The following FYN variants were observed in gnomAD, a reference collection of about 807,000 sequenced individuals.
The protein encoded by FYN is FYN proto-oncogene, Src family tyrosine kinase.
In FYN, 10 loss-of-function variants were observed where a neutral mutation model predicts 70.2. The observed-to-expected ratio is 0.14, with a 90% CI of 0.09 to 0.24. The LOEUF is 0.24. Ranked by LOEUF, FYN falls within the 10% of genes least tolerant of loss-of-function variation. The probability of loss-of-function intolerance (pLI) is 1.00; values close to 1 mark genes in which losing one functional copy is unlikely to be tolerated. For synonymous variants in FYN, 236 were observed against 248.6 expected (o/e 0.95, Z 0.48); for missense variants, 319 against 673.1 (o/e 0.47, Z 5.82).
At chr6:111,664,193 A>G (rs997971821) in intron 13 of FYN, among the ~76,000 whole-genome samples, 1 of 152,186 alleles carries the variant, frequency 6.6e-6, no homozygotes, top group African/African-American at 2.4e-5. Flanking sequence ...TTCATATTTC[A>G]GCAATGACAG....
intron 1 of FYN, among the ~76,000 whole-genome samples, chr6:111,855,117 A>C (rs1773791352): frequency 6.6e-6 from 1 of 152,224 alleles, no homozygotes; most frequent in African/African-American, 2.4e-5. Flanking sequence ...AAAAAACTTC[A>C]CCAAGAGTTA....
At position 111,774,064 on chromosome 6, in the gene FYN, A is replaced by C. The variant is rs561221617; in HGVS notation, c.-12+6502T>G. 3.4e-4 allele frequency among the ~76,000 whole-genome samples: 52 copies of C among 152,328 alleles called. 1 individual carries two copies. The highest frequency in any genetic ancestry group is 1.3e-3 in the African/African-American group (52 of 41,574). On this transcript the variant is annotated intron_variant, in intron 3 of 13. Transcript: ENST00000354650. ...GGGCCGAGCATCCTACTGGGCTCTC[A>C]TCTTTTCCAAAGACAGTACTCTCTC...
At chr6:111,761,051 C>T (rs375428203) in intron 3 of FYN, among the ~76,000 whole-genome samples, 14 of 152,170 alleles carry the variant, frequency 9.2e-5, no homozygotes, top group African/African-American at 2.7e-4. Flanking sequence ...AACTGTGGTG[C>T]AGAGATGCAA....
At chr6:111,700,356 G>T in intron 8 of FYN, 88 bp from the exon 9 acceptor site, 1 of 1,340,330 alleles carries the variant, frequency 7.5e-7, no homozygotes, top group Non-Finnish European at 1.0e-6. Context: ...CACACTAGCG[G>T]CGCACAGTGC....
chr6:111,711,042 G>T (rs904239028), intron 5 of FYN, among the ~76,000 whole-genome samples: 1 of 152,046 alleles, frequency 6.6e-6, no homozygotes, highest in Non-Finnish European at 1.5e-5. Context: ...AAAAGATTCT[G>T]TGCCCCCACC....
chr6:111,722,719 C>T (rs1801013469), intron 3 of FYN, among the ~76,000 whole-genome samples: 1 of 152,196 alleles, frequency 6.6e-6, no homozygotes, highest in Admixed American at 6.5e-5. Flanking sequence ...GGGAGGGATA[C>T]TCCTGATACC....
At chr6:111,726,453 T>C (rs1251281199) in intron 3 of FYN, among the ~76,000 whole-genome samples, 1 of 152,176 alleles carries the variant, frequency 6.6e-6, no homozygotes, top group Non-Finnish European at 1.5e-5. Context: ...GGTATTACTA[T>C]TTCCCCACAC....
chr6:111,743,018 G>A lies in FYN; in HGVS notation c.-11-22956C>T, dbSNP rs555313022. On this transcript the variant is annotated intron_variant, in intron 3 of 13. Transcript: ENST00000354650. Reference sequence around the variant, plus strand: ...GTCTCGTTCTGTTGCCCAGGCTGGAGTGCAGTGGCACGATCTCGGCTCGTT... The same window carrying A: ...GTCTCGTTCTGTTGCCCAGGCTGGAATGCAGTGGCACGATCTCGGCTCGTT... Among the ~76,000 whole-genome samples, 15 of 150,740 alleles carry A rather than the reference G, an allele frequency of 1.0e-4. No homozygotes were observed. The South Asian group carries it at 3.1e-3, about 32-fold the overall frequency.
At chr6:111,750,263 AC>A (rs1802424745) in intron 3 of FYN, among the ~76,000 whole-genome samples, 1 of 152,144 alleles carries the variant, frequency 6.6e-6, no homozygotes, top group South Asian at 2.1e-4. Context: ...ATGGTTTAGC[AC>A]CATCCTCCTT....
At chr6:111,800,950 G>C (rs1771963412) in intron 2 of FYN, among the ~76,000 whole-genome samples, 2 of 152,178 alleles carry the variant, frequency 1.3e-5, no homozygotes, top group Admixed American at 6.5e-5. Flanking sequence ...GAATCTAAAA[G>C]TCTAATCACT....
At chr6:111,742,407 G>A (rs1000584541) in intron 3 of FYN, among the ~76,000 whole-genome samples, 2 of 152,176 alleles carry the variant, frequency 1.3e-5, no homozygotes, top group Non-Finnish European at 2.9e-5. Context: ...GGCACTAAAA[G>A]CATATACACT....
At chr6:111,762,092 A>G (rs1803031488) in intron 3 of FYN, among the ~76,000 whole-genome samples, 2 of 152,198 alleles carry the variant, frequency 1.3e-5, no homozygotes, top group African/African-American at 4.8e-5. Flanking sequence ...AATGGTAAAA[A>G]GAAATCATCA....
chr6:111,763,556 C>A (rs1244567849), intron 3 of FYN, among the ~76,000 whole-genome samples: 2 of 152,144 alleles, frequency 1.3e-5, no homozygotes, highest in Non-Finnish European at 2.9e-5. Flanking sequence ...TTGTTGGAAA[C>A]CTTCCAACAT....
In FYN at chr6:111,679,065, G is replaced by T. The variant is rs573154275; in HGVS notation, c.1274-4435C>A. 2.5e-3 allele frequency among the ~76,000 whole-genome samples: 387 copies of T among 152,200 alleles called. 2 individuals carry two copies. Among genetic ancestry groups the T allele is most frequent in the African/African-American group, 8.9e-3 (369 of 41,524 alleles). ...TCCCCAGCTGCTTCTTATCATCCCA[G>T]ACTTGTTCTCCTCTGCTTCCCTCCT... On this transcript the variant is annotated intron_variant, in intron 12 of 13. Coordinates refer to ENST00000354650, the MANE Select transcript of FYN (RefSeq NM_002037.5).
chr6:111,816,541 G>A (rs1195328891), intron 2 of FYN, among the ~76,000 whole-genome samples: 1 of 152,124 alleles, frequency 6.6e-6, no homozygotes, highest in Non-Finnish European at 1.5e-5. Flanking sequence ...TAGATCATAA[G>A]GAGGTCACAA....
intron 2 of FYN, among the ~76,000 whole-genome samples, chr6:111,807,060 C>G (rs1004303176): frequency 2.6e-5 from 4 of 152,120 alleles, no homozygotes; most frequent in South Asian, 2.1e-4. Flanking sequence ...AATGTTGATG[C>G]CTTTTCTGGC....
chr6:111,718,104 G>A (rs1800754020), intron 4 of FYN, among the ~76,000 whole-genome samples: 1 of 152,146 alleles, frequency 6.6e-6, no homozygotes, highest in Non-Finnish European at 1.5e-5. Flanking sequence ...ATGAAGCCAA[G>A]CCAGCCCCAC....
chr6:111,816,060 T>C (rs984434481), intron 2 of FYN, among the ~76,000 whole-genome samples: 1 of 152,188 alleles, frequency 6.6e-6, no homozygotes, highest in African/African-American at 2.4e-5. Flanking sequence ...ACAGTATTTT[T>C]TAAAAATTTA....
At chr6:111,751,206 C>G (rs1461536848) in intron 3 of FYN, among the ~76,000 whole-genome samples, 1 of 152,146 alleles carries the variant, frequency 6.6e-6, no homozygotes, top group Non-Finnish European at 1.5e-5. Flanking sequence ...CGCATTAGTC[C>G]ATTTGTTTTC....
Sources: allele counts gnomAD v4.1 joint callset (sites outside exome capture counted in the v4.1 genomes callset), GRCh38; gene constraint gnomAD v4.1.1; transcripts MANE v1.5; gene names NCBI Gene and HGNC (gene_info 2026-07-23, HGNC 2026-07-21).